The following TMEM131 variants were observed in gnomAD, a reference collection of about 807,000 sequenced individuals.
The protein encoded by TMEM131 is 2610524E03Rik.
A neutral mutation model predicts 211.6 loss-of-function variants in TMEM131; 66 were observed. The observed-to-expected ratio is 0.31, with a 90% CI of 0.26 to 0.38. TMEM131 has a LOEUF of 0.38. Ranked by LOEUF, TMEM131 falls within the 10% of genes least tolerant of loss-of-function variation. TMEM131 has a pLI of 1.00. For synonymous variants in TMEM131, 844 were observed against 841.3 expected, an observed-to-expected ratio of 1.00 and a Z score of -0.06; for missense variants, 2,036 against 2,299.3, an observed-to-expected ratio of 0.89 and a Z score of 2.34.
At chr2:97,926,481 T>C (rs981108575) in intron 2 of TMEM131, among the ~76,000 whole-genome samples, 1 of 152,254 alleles carries the variant, frequency 6.6e-6, no homozygotes, top group Admixed American at 6.5e-5. Context: ...AAGGGTCTTC[T>C]ATTCAGCTAT....
intron 2 of TMEM131, among the ~76,000 whole-genome samples, chr2:97,926,118 A>C (rs1469604493): frequency 2.0e-5 from 3 of 152,162 alleles, no homozygotes; most frequent in African/African-American, 4.8e-5. Flanking sequence ...GTCTCAAAAA[A>C]AAAAAAAAAA....
intron 1 of TMEM131, among the ~76,000 whole-genome samples, chr2:97,930,653 A>G (rs987176161): frequency 1.3e-5 from 2 of 151,816 alleles, no homozygotes; most frequent in Non-Finnish European, 2.9e-5. Flanking sequence ...TATATGCCTC[A>G]AAAAACAGAA....
intron 2 of TMEM131, among the ~76,000 whole-genome samples, chr2:97,914,120 G>C (rs1676404960): frequency 6.6e-6 from 1 of 152,080 alleles, no homozygotes; most frequent in Non-Finnish European, 1.5e-5. Flanking sequence ...ATCTGTGAGG[G>C]AGTTTTAAGA....
At chr2:97,816,902 A>C (rs1341961734) in intron 12 of TMEM131, among the ~76,000 whole-genome samples, 3 of 152,186 alleles carry the variant, frequency 2.0e-5, no homozygotes, top group Admixed American at 2.0e-4. Context: ...AAGTTAAATA[A>C]CACACACTTC....
chr2:97,930,260 TG>T (rs1677163668), intron 1 of TMEM131, among the ~76,000 whole-genome samples: 1 of 151,814 alleles, frequency 6.6e-6, no homozygotes, highest in African/African-American at 2.4e-5. Flanking sequence ...GAGCTATAGG[TG>T]GCTGCTATTA....
In TMEM131 at chr2:97,788,600, G is replaced by A. The variant is rs536809614; in HGVS notation, c.4144+3786C>T. Among the ~76,000 whole-genome samples the A allele has an allele frequency of 2.0e-5, 3 of 152,216 alleles. No individual in the cohort carries two copies. The East Asian group carries it at 5.8e-4, about 29-fold the overall frequency. On this transcript the variant is annotated intron_variant, in intron 31 of 40. Coordinates refer to ENST00000186436, the MANE Select transcript of TMEM131 (RefSeq NM_015348.2). Reference sequence around the variant, plus strand: ...GGCCCACTCCACCACCTGGGCACATGGTTTCACCAATTATCTCCTCATTTT... The same window carrying A: ...GGCCCACTCCACCACCTGGGCACATAGTTTCACCAATTATCTCCTCATTTT...
In TMEM131 at chr2:97,838,426, C is replaced by CT. The variant is rs753635047; in HGVS notation, c.724-1270dup. Among the ~76,000 whole-genome samples, 392 of 89,084 alleles carry CT rather than the reference C, an allele frequency of 4.4e-3. 55 individuals are homozygous for CT. Among genetic ancestry groups the CT allele is most frequent in the East Asian group, 0.013 (26 of 1,992 alleles). 58.4% of individuals were successfully genotyped at this position (89,084 alleles called of 152,430 possible). A position where few individuals can be genotyped will look rare whatever the true frequency, so the allele number is the denominator to read the frequency against. ...AAAAATGGCAATTCTTAAGCTTAAA[C>CT]TTTTTTTTTTTTTTTTTTTTTTTTT... On this transcript the variant is annotated intron_variant, in intron 7 of 40. Coordinates refer to ENST00000186436, the MANE Select transcript of TMEM131 (RefSeq NM_015348.2).
At position 97,805,566 on chromosome 2, in the gene TMEM131, T is replaced by A; in HGVS notation, c.2193A>T (p.Pro731=). The A allele has an allele frequency of 6.2e-7, 1 of 1,607,646 alleles. No homozygotes were observed. Among genetic ancestry groups the A allele is most frequent in the Non-Finnish European group, 8.5e-7 (1 of 1,175,806 alleles). ...RLRGNKEDLE[P]GKKSKIANIY... ...ATCTTCAAACCTTTGATTTTTTTCCTGGCTCCAAGTCTTCCTTATTGCCCC... is the reference window on the plus strand; with the variant it reads ...ATCTTCAAACCTTTGATTTTTTTCCAGGCTCCAAGTCTTCCTTATTGCCCC... Residue 731 remains proline, a synonymous_variant, in exon 20 of 41, where the codon CCA becomes CCT. Coordinates refer to ENST00000186436, the MANE Select transcript of TMEM131 (RefSeq NM_015348.2).
chr2:97,835,902 A>T (rs951364489), intron 8 of TMEM131, among the ~76,000 whole-genome samples: 6 of 152,232 alleles, frequency 3.9e-5, no homozygotes, highest in African/African-American at 1.4e-4. Context: ...CTATAAAAAC[A>T]TGCTATTCTC....
At chr2:97,812,335 A>G in intron 17 of TMEM131, 86 bp downstream of exon 17, 1 of 1,407,746 alleles carries the variant, frequency 7.1e-7, no homozygotes, top group Non-Finnish European at 9.6e-7. Flanking sequence ...TAAAAATAAT[A>G]GTGATACATG....
chr2:97,842,236 AC>A (rs924788313), intron 6 of TMEM131, among the ~76,000 whole-genome samples: 2 of 152,142 alleles, frequency 1.3e-5, no homozygotes, highest in African/African-American at 2.4e-5. Flanking sequence ...AGATTTCCTG[AC>A]CCCAACCATC....
At chr2:97,903,024 T>G (rs1675923452) in intron 3 of TMEM131, among the ~76,000 whole-genome samples, 1 of 152,162 alleles carries the variant, frequency 6.6e-6, no homozygotes, top group South Asian at 2.1e-4. Context: ...TTTATATATT[T>G]ATCCTAACAG....
chr2:97,825,901 C>T (rs1249956529), intron 11 of TMEM131, among the ~76,000 whole-genome samples: 1 of 152,182 alleles, frequency 6.6e-6, no homozygotes, highest in Non-Finnish European at 1.5e-5. Context: ...TAGTAGGTGC[C>T]AAAGGAAGTT....
intron 2 of TMEM131, among the ~76,000 whole-genome samples, chr2:97,913,754 TAAGAC>T (rs1208786981): frequency 4.6e-5 from 7 of 152,130 alleles, no homozygotes; most frequent in Non-Finnish European, 7.4e-5. Context: ...TGCTTAGAAA[TAAGAC>T]AAGGTCTGCA....
chr2:97,771,988 C>T (rs991449614), intron 33 of TMEM131, among the ~76,000 whole-genome samples: 5 of 152,224 alleles, frequency 3.3e-5, no homozygotes, highest in African/African-American at 1.2e-4. Context: ...CATCTTTGTG[C>T]AGAAGTAAAA....
chr2:97,771,743 G>A (rs1473136938), intron 33 of TMEM131, among the ~76,000 whole-genome samples: 5 of 152,234 alleles, frequency 3.3e-5, no homozygotes, highest in Non-Finnish European at 7.3e-5. Context: ...GAAACAGCCT[G>A]CACAAGCCCT....
In TMEM131 at chr2:97,834,796, C is replaced by T; in HGVS notation, c.934G>A (p.Val312Ile). 2 of 1,613,572 alleles carry T rather than the reference C, an allele frequency of 1.2e-6. No individual in the cohort carries two copies. The highest frequency in any genetic ancestry group is 1.1e-5 in the South Asian group (1 of 90,972). ...TAACCTGTTGTAACTTCAACCTCAA[C>T]AGGAAGAATGATAAACTCTGTGCTG... The part of the protein sequence containing the change: ...SDSTEFIILP[V>I]EVEVTTAPGI... Residue 312 changes from valine (V) to isoleucine (I), a missense_variant, in exon 9 of 41, where the codon GTT (valine) becomes ATT (isoleucine). By Grantham distance (29) the Val-to-Ile change is conservative (BLOSUM62 3). Transcript: ENST00000186436.
chr2:97,798,926 C>T (rs528716167), intron 25 of TMEM131, among the ~76,000 whole-genome samples: 28 of 152,270 alleles, frequency 1.8e-4, no homozygotes, highest in African/African-American at 6.7e-4. Context: ...CCAGCAAGCA[C>T]TAGCTAATTT....
At chr2:97,837,193 G>A (rs1330401018) in intron 7 of TMEM131, 36 bp from the exon 8 acceptor site, 1 of 1,496,072 alleles carries the variant, frequency 6.7e-7, no homozygotes, top group Non-Finnish European at 9.0e-7. Context: ...TACGTTCAAA[G>A]TCATATTCTC....
Sources: allele counts gnomAD v4.1 joint callset (sites outside exome capture counted in the v4.1 genomes callset), GRCh38; gene constraint gnomAD v4.1.1; transcripts MANE v1.5; gene names NCBI Gene and HGNC (gene_info 2026-07-23, HGNC 2026-07-21).